Variants in SYNDIG1 observed in about 807,000 individuals in gnomAD.
The protein encoded by SYNDIG1 is synapse differentiation-inducing gene protein 1.
In SYNDIG1, 9 loss-of-function variants were observed where a neutral mutation model predicts 19.4. The ratio of observed to expected loss-of-function variants is 0.46; its 90% CI spans 0.28 to 0.81. SYNDIG1 has a LOEUF of 0.81. Among genes scored for constraint, SYNDIG1 ranks in the 30% least tolerant of loss-of-function variants. The pLI is 0.12. For synonymous variants in SYNDIG1, 141 were observed against 145.9 expected, an observed-to-expected ratio of 0.97 and a Z score of 0.24; for missense variants, 311 against 343.3, an observed-to-expected ratio of 0.91 and a Z score of 0.74.
At chr20:24,524,766 G>A (rs2057085585) in intron 1 of SYNDIG1, among the ~76,000 whole-genome samples, 1 of 152,098 alleles carries the variant, frequency 6.6e-6, no homozygotes, top group South Asian at 2.1e-4. Context: ...GAAGAGTGAT[G>A]TGAGTCCACT....
intron 3 of SYNDIG1, among the ~76,000 whole-genome samples, chr20:24,655,002 T>C (rs1236579551): frequency 2.0e-5 from 3 of 152,186 alleles, no homozygotes; most frequent in African/African-American, 4.8e-5. Flanking sequence ...CCACGCATGA[T>C]GTTCCGAAGC....
intron 1 of SYNDIG1, among the ~76,000 whole-genome samples, chr20:24,472,918 A>G (rs1458604764): frequency 6.6e-6 from 1 of 152,200 alleles, no homozygotes; most frequent in East Asian, 1.9e-4. Context: ...TGTAAGATGA[A>G]TAACCATCTT....
intron 3 of SYNDIG1, among the ~76,000 whole-genome samples, chr20:24,638,660 G>A (rs1001714955): frequency 6.6e-6 from 1 of 152,124 alleles, no homozygotes; most frequent in Non-Finnish European, 1.5e-5. Context: ...CACTCAGCCT[G>A]GAATTTGTAT....
chr20:24,480,945 A>G (rs1200422428), intron 1 of SYNDIG1, among the ~76,000 whole-genome samples: 2 of 152,244 alleles, frequency 1.3e-5, no homozygotes, highest in Non-Finnish European at 2.9e-5. Flanking sequence ...GGCACAAAGT[A>G]CAATGGTGGT....
chr20:24,502,178 C>G (rs1239260851), intron 1 of SYNDIG1: 1 of 152,342 alleles, frequency 6.6e-6, no homozygotes, highest in African/African-American at 2.4e-5. Flanking sequence ...CCTTTCTTGC[C>G]CCTACCCAGT....
Position 24,565,767 on chromosome 20 carries a change from C to A in SYNDIG1, c.481-19089C>A, listed in dbSNP as rs559480765. ...CTCCCACCTTCTCCTTCCCCCGCTT[C>A]ACAGCCCTGAGTCTCAGCCCCTTTT... On this transcript the variant is annotated intron_variant, in intron 2 of 3. Transcript: ENST00000376862. Among the ~76,000 whole-genome samples the A allele has an allele frequency of 2.8e-4, 42 of 152,296 alleles. 1 individual carries two copies. Among genetic ancestry groups the A allele is most frequent in the African/African-American group, 9.9e-4 (41 of 41,562 alleles).
At chr20:24,628,176 A>C (rs1174038629) in intron 3 of SYNDIG1, among the ~76,000 whole-genome samples, 1 of 152,154 alleles carries the variant, frequency 6.6e-6, no homozygotes, top group Non-Finnish European at 1.5e-5. Flanking sequence ...ATCTGGGAAG[A>C]AAAGAAAAGA....
chr20:24,638,924 A>G (rs1454416596), intron 3 of SYNDIG1, among the ~76,000 whole-genome samples: 2 of 152,178 alleles, frequency 1.3e-5, no homozygotes, highest in Non-Finnish European at 2.9e-5. Flanking sequence ...GTCATAGGCC[A>G]GGCACGCAGG....
At chr20:24,599,455 C>T (rs1177310410) in intron 3 of SYNDIG1, among the ~76,000 whole-genome samples, 4 of 152,094 alleles carry the variant, frequency 2.6e-5, no homozygotes, top group Admixed American at 2.0e-4. Context: ...AAATAGAATA[C>T]CTTTGACCCA....
intron 3 of SYNDIG1, among the ~76,000 whole-genome samples, chr20:24,638,550 A>G (rs976447126): frequency 1.3e-5 from 2 of 151,858 alleles, no homozygotes; most frequent in African/African-American, 4.8e-5. Flanking sequence ...TTAAATAGAG[A>G]CTGGGTTTCA....
rs879899010 is a variant in SYNDIG1 at position 24,485,924 on chromosome 20, C to T, written c.-79+16171C>T. 7.2e-4 allele frequency among the ~76,000 whole-genome samples: 110 copies of T among 152,314 alleles called. 1 individual carries two copies. Among genetic ancestry groups the T allele is most frequent in the Admixed American group, 6.1e-3 (93 of 15,300 alleles). ...AGTGAGAAAGGTGGACAGAGACCCC[C>T]CCAGGAGATGTCTTTGGCCCAAGCT... is the stretch of plus-strand genomic sequence containing the variant. On this transcript the variant is annotated intron_variant, in intron 1 of 3. Transcript: ENST00000376862.
intron 2 of SYNDIG1, among the ~76,000 whole-genome samples, chr20:24,553,542 T>G (rs551070418): frequency 1.3e-5 from 2 of 152,352 alleles, no homozygotes; most frequent in South Asian, 4.1e-4. Context: ...TAGCCAGTTT[T>G]CCCAGCACCA....
chr20:24,599,910 G>A (rs937856843), intron 3 of SYNDIG1, among the ~76,000 whole-genome samples: 2 of 152,088 alleles, frequency 1.3e-5, no homozygotes, highest in African/African-American at 4.8e-5. Context: ...TACATTCAAC[G>A]GTTGATAACA....
intron 3 of SYNDIG1, among the ~76,000 whole-genome samples, chr20:24,650,646 C>T (rs2059461710): frequency 6.6e-6 from 1 of 152,232 alleles, no homozygotes; most frequent in Non-Finnish European, 1.5e-5. Context: ...CCCAGCCTCC[C>T]AGCTAGGACA....
At chr20:24,489,195 C>T (rs1216116382) in intron 1 of SYNDIG1, among the ~76,000 whole-genome samples, 1 of 152,144 alleles carries the variant, frequency 6.6e-6, no homozygotes, top group Non-Finnish European at 1.5e-5. Flanking sequence ...CACATACACT[C>T]ACATGGACAC....
chr20:24,647,940 T>G (rs1239816241), intron 3 of SYNDIG1, among the ~76,000 whole-genome samples: 2 of 151,746 alleles, frequency 1.3e-5, no homozygotes, highest in Non-Finnish European at 2.9e-5. Flanking sequence ...CACGGTCAGG[T>G]TCTGGGGAGG....
intron 3 of SYNDIG1, among the ~76,000 whole-genome samples, chr20:24,657,536 C>A (rs2147388375): frequency 6.6e-6 from 1 of 152,288 alleles, no homozygotes; most frequent in Non-Finnish European, 1.5e-5. Flanking sequence ...TCCTCCCTGC[C>A]ATTTAGACCT....
intron 3 of SYNDIG1, 58 bp downstream of exon 3, chr20:24,585,051 G>T: frequency 4.2e-6 from 4 of 956,962 alleles, no homozygotes; most frequent in South Asian, 1.4e-5. Flanking sequence ...GTGGGGGTGG[G>T]GGCGGCAATC....
chr20:24,536,803 A>C (rs1164287670), intron 1 of SYNDIG1, among the ~76,000 whole-genome samples: 1 of 152,158 alleles, frequency 6.6e-6, no homozygotes, highest in Non-Finnish European at 1.5e-5. Context: ...ATGAGGCTAC[A>C]CATTTTGCCT....
Sources: gnomAD v4.1 joint callset for allele counts (sites outside exome capture counted in the v4.1 genomes callset) on GRCh38, gnomAD v4.1.1 for gene constraint, MANE v1.5 for transcripts, NCBI Gene and HGNC (gene_info 2026-07-23, HGNC 2026-07-21) for gene names.